DMBT1: variants seen among roughly 807,000 people sequenced by gnomAD.
DMBT1 encodes scavenger receptor cysteine-rich domain-containing protein DMBT1.
In DMBT1, 198 loss-of-function variants were observed where a neutral mutation model predicts 252.9. The ratio of observed to expected loss-of-function variants is 0.78; its 90% confidence interval spans 0.70 to 0.88. The LOEUF (loss-of-function observed/expected upper bound fraction) is 0.88. DMBT1 is among the 40% of genes least tolerant of loss of function. The pLI is 0.00. For missense variants in DMBT1, 2,432 were observed against 2,404.7 expected (o/e 1.01, Z -0.24); for synonymous variants, 990 against 942.7 (o/e 1.05, Z -0.92).
At chr10:122,585,380 T>A in intron 15 of DMBT1, 71 bp downstream of exon 15, 1 of 1,529,924 alleles carries the variant, frequency 6.5e-7, no homozygotes, top group Admixed American at 1.7e-5. Flanking sequence ...TCTGAAATGA[T>A]AGGATGAGGG....
chr10:122,581,593 G>T (rs1169223076), intron 11 of DMBT1, among the ~76,000 whole-genome samples, 200 bp from the exon 12 acceptor site: 1 of 146,982 alleles, frequency 6.8e-6, no homozygotes, highest in Non-Finnish European at 1.5e-5. Flanking sequence ...GAAATGGAGG[G>T]CTCAGTCTGG....
rs756445282 is a variant in DMBT1, at chr10:122,621,276, A to G, written c.5504A>G (p.Asp1835Gly). 6.2e-7 allele frequency: 1 copy of G among 1,613,784 alleles called. No individual in the cohort carries two copies. The highest frequency in any genetic ancestry group is 8.5e-7 in the Non-Finnish European group (1 of 1,179,752). Residue 1835 changes from aspartate to glycine, a missense_variant, in exon 44 of 56, where the codon GAT becomes GGT. By Grantham distance (94) the Asp-to-Gly change is moderately conservative. Coordinates refer to ENST00000338354, the MANE Select transcript of DMBT1 (RefSeq NM_001377530.1). The stretch of plus-strand genomic sequence containing the variant: ...GGCTCAGGACCCATTGTCCTGGATG[A>G]TGTGCGCTGCTCAGGGAATGAGTCC... The part of the protein sequence containing the change: ...GQGSGPIVLD[D>G]VRCSGNESYL...
intron 1 of DMBT1, among the ~76,000 whole-genome samples, chr10:122,562,521 A>G (rs1255957723): frequency 6.6e-6 from 1 of 152,204 alleles, no homozygotes; most frequent in Non-Finnish European, 1.5e-5. Flanking sequence ...AGCATCTGAA[A>G]CTGGGAGGCT....
rs767910280 is a variant in DMBT1, at chr10:122,579,807, C to T, written c.909C>T (p.Cys303=). The change falls in exon 10 of 56, where the codon TGC becomes TGT. Residue 303 remains cysteine, a synonymous_variant. Transcript: ENST00000338354. ...CCATTGTCCTGGATGATGTGCGCTG[C>T]TCAGGACATGAGTCCTACCTGTGGA... is the stretch of plus-strand genomic sequence containing the variant. ...SGPIVLDDVR[C]SGHESYLWSC... is the part of the protein sequence containing the mutation. 6.2e-7 allele frequency: 1 copy of T among 1,607,240 alleles called. No individual in the cohort carries two copies. The highest frequency in any genetic ancestry group is 8.5e-7 in the Non-Finnish European group (1 of 1,173,700).
chr10:122,588,313 G>T (rs1466075152), intron 16 of DMBT1, among the ~76,000 whole-genome samples: 2 of 147,834 alleles, frequency 1.4e-5, no homozygotes, highest in African/African-American at 4.9e-5. Flanking sequence ...TCTCTGGGGA[G>T]CCAGTCCTGC....
intron 14 of DMBT1, among the ~76,000 whole-genome samples, chr10:122,584,746 T>A (rs12779313): frequency 6.7e-6 from 1 of 148,940 alleles, no homozygotes; most frequent in Non-Finnish European, 1.5e-5. Context: ...GCTGCCGCCA[T>A]GGGCAAGCAA....
At chr10:122,631,326 T>C (rs1284709931) in intron 49 of DMBT1, 45 bp downstream of exon 49, 3 of 1,598,430 alleles carry the variant, frequency 1.9e-6, no homozygotes, top group Non-Finnish European at 1.7e-6. Flanking sequence ...TGTAACTTGC[T>C]ATAAAGCAAG....
At chr10:122,623,137 G>T (rs928488124) in intron 44 of DMBT1, among the ~76,000 whole-genome samples, 1 of 147,846 alleles carries the variant, frequency 6.8e-6, no homozygotes, top group Non-Finnish European at 1.5e-5. Context: ...AAGAATTGTG[G>T]TCACTTTCTA....
At position 122,579,772 on chromosome 10, in the gene DMBT1, G is replaced by T. The variant is rs1431902524; in HGVS notation, c.874G>T (p.Gly292Cys). 2.5e-6 allele frequency: 4 copies of T among 1,613,708 alleles called. No individual in the cohort carries two copies. The South Asian group carries it at 3.3e-5, about 13-fold the overall frequency. Reference protein sequence around the residue: ...SAPGNAQFGQGSGPIVLDDVR... With the variant: ...SAPGNAQFGQCSGPIVLDDVR... ...CCCAGGAAATGCCCAGTTTGGCCAG[G>T]GCTCAGGACCCATTGTCCTGGATGA... Residue 292 changes from glycine to cysteine, a missense_variant, in exon 10 of 56, where the codon GGC (glycine) becomes TGC (cysteine). By Grantham distance (159) the Gly-to-Cys change is radical. Transcript: ENST00000338354.
At chr10:122,579,533 A>G in intron 9 of DMBT1, 45 bp from the exon 10 acceptor site, 1 of 1,611,702 alleles carries the variant, frequency 6.2e-7, no homozygotes, top group Non-Finnish European at 8.5e-7. Context: ...TAGATTCTTG[A>G]CCTCATGATA....
At chr10:122,562,715 G>C (rs950550712) in intron 1 of DMBT1, among the ~76,000 whole-genome samples, 1 of 152,242 alleles carries the variant, frequency 6.6e-6, no homozygotes, top group Non-Finnish European at 1.5e-5. Flanking sequence ...ATGATGTTAT[G>C]TGCATGCATA....
chr10:122,591,419 C>T, intron 18 of DMBT1, 60 bp from the exon 19 acceptor site: 2 of 1,515,090 alleles, frequency 1.3e-6, no homozygotes, highest in Non-Finnish European at 1.8e-6. Context: ...GAGACCTTTC[C>T]TTTTGGAGCT....
At position 122,597,020 on chromosome 10, in the gene DMBT1, C is replaced by T. The variant is rs2097887706; in HGVS notation, c.2888-5C>T. On this transcript the variant is annotated splice_region_variant and splice_polypyrimidine_tract_variant and intron_variant, in intron 23 of 55. Coordinates refer to ENST00000338354, the MANE Select transcript of DMBT1 (RefSeq NM_001377530.1). Reference sequence around the variant, plus strand: ...GCATCTGATCTGACCTCCTCTTTCTCACAGCTGCCCACTCCTGGTCGACGC... The same window carrying T: ...GCATCTGATCTGACCTCCTCTTTCTTACAGCTGCCCACTCCTGGTCGACGC... 1 of 569,368 alleles carries T rather than the reference C, an allele frequency of 1.8e-6. No individual in the cohort carries two copies. Among genetic ancestry groups the T allele is most frequent in the Non-Finnish European group, 2.8e-6 (1 of 351,460 alleles). The allele number at this position is 569,368 out of a possible 1,614,324, so 35.3% of individuals were successfully genotyped here.
chr10:122,635,902 C>T (rs2098223246), intron 52 of DMBT1, 89 bp from the exon 53 acceptor site: 7 of 1,399,392 alleles, frequency 5.0e-6, no homozygotes, highest in Non-Finnish European at 7.0e-6. Context: ...GAGTTTCTGG[C>T]ACAGAGGTGT....
At position 122,621,055 on chromosome 10, in the gene DMBT1, A is replaced by G. The variant is rs963270306; in HGVS notation, c.5285-2A>G. ...ATGAAGGGTTCTTGTGTTCCCCTGT[A>G]GGATCTGAATCCAGTTTGGCTCTGA... On this transcript the variant is annotated splice_acceptor_variant, in intron 43 of 55. Transcript: ENST00000338354. LOFTEE classifies it high-confidence loss of function. 7.4e-6 allele frequency: 12 copies of G among 1,613,052 alleles called. No individual in the cohort carries two copies. The highest frequency in any genetic ancestry group is 5.0e-5 in the Admixed American group (3 of 60,022).
chr10:122,586,792 C>T (rs555404591), intron 16 of DMBT1, among the ~76,000 whole-genome samples: 1 of 148,418 alleles, frequency 6.7e-6, no homozygotes, highest in East Asian at 2.1e-4. Flanking sequence ...CTGCTGAGGA[C>T]CTCAGGCTGC....
chr10:122,563,712 A>T (rs1010465672), intron 1 of DMBT1, among the ~76,000 whole-genome samples: 1 of 152,120 alleles, frequency 6.6e-6, no homozygotes, highest in Non-Finnish European at 1.5e-5. Context: ...AAGACTACAG[A>T]TTGGTCTCAG....
Position 122,586,068 on chromosome 10 carries a change from T to A in DMBT1, c.1468T>A (p.Ser490Thr), listed in dbSNP as rs754886919. The change falls in exon 16 of 56, where the codon TCC (serine) becomes ACC (threonine). Residue 490 changes from serine (S) to threonine (T), a missense_variant. Ser to Thr is a moderately conservative substitution (Grantham distance 58). Transcript: ENST00000338354. Reference protein sequence around the residue: ...TLPASTVGSESSLALRLVNGG... With the variant: ...TLPASTVGSETSLALRLVNGG... ...CTTGTTTTCCCCTGTAGGATCTGAA[T>A]CCAGTTTGGCCCTGAGGCTGGTGAA... The A allele has an allele frequency of 6.3e-7, 1 of 1,588,740 alleles. No homozygotes were observed. Among genetic ancestry groups the A allele is most frequent in the Non-Finnish European group, 8.6e-7 (1 of 1,165,978 alleles).
chr10:122,584,343 C>A lies in DMBT1; in HGVS notation c.1412C>A (p.Pro471His), dbSNP rs1202575579. The A allele has an allele frequency of 1.1e-5, 6 of 546,808 alleles. No homozygotes were observed. The highest frequency in any genetic ancestry group is 1.5e-5 in the Non-Finnish European group (5 of 328,694). 33.9% of individuals were successfully genotyped at this position (546,808 alleles called of 1,614,324 possible). Residue 471 changes from proline to histidine, a missense_variant, in exon 14 of 56, where the codon CCC becomes CAC. Transcript: ENST00000338354. The stretch of plus-strand genomic sequence containing the variant: ...ACAGCTGCCCACTCCTGGTCGACGC[C>A]CAGTCCAGGTGAGTCCCCAGTGTCC... ...ICSAAHSWSTPSPDTLPTITL... is the reference protein window; with the variant it reads ...ICSAAHSWSTHSPDTLPTITL...
Sources: gnomAD v4.1 joint callset for allele counts (sites outside exome capture counted in the v4.1 genomes callset) on GRCh38, gnomAD v4.1.1 for gene constraint, MANE v1.5 for transcripts, NCBI Gene and HGNC (gene_info 2026-07-23, HGNC 2026-07-21) for gene names.